NCAM2: variants seen among roughly 807,000 people sequenced by gnomAD.
NCAM2 encodes N-CAM-2.
Under a neutral mutation model 98.1 loss-of-function variants are expected in NCAM2, and 30 were observed. The ratio of observed to expected loss-of-function variants is 0.31; its 90% CI spans 0.23 to 0.41. The LOEUF is 0.41. Among genes scored for constraint, NCAM2 ranks in the 10% least tolerant of loss-of-function variants. The pLI is 1.00. For missense variants in NCAM2, 867 were observed against 1,005.8 expected (o/e 0.86, Z 1.87); for synonymous variants, 368 against 342.4 (o/e 1.07, Z -0.83).
chr21:21,512,282 T>G (rs187790859), intron 16 of NCAM2, among the ~76,000 whole-genome samples: 1 of 152,162 alleles, frequency 6.6e-6, no homozygotes, highest in East Asian at 1.9e-4. Context: ...TGGCAAGAGA[T>G]AGGGGTCTAC....
intron 1 of NCAM2, among the ~76,000 whole-genome samples, chr21:21,049,871 C>CAA (rs11412655): frequency 1.8e-4 from 25 of 139,746 alleles, no homozygotes; most frequent in Non-Finnish European, 2.3e-4. Context: ...AACTCCATCT[C>CAA]AAAAAAAAAA....
Position 21,491,164 on chromosome 21 carries a change from T to C in NCAM2, c.2077+13693T>C, listed in dbSNP as rs80189088. On this transcript the variant is annotated intron_variant, in intron 15 of 17. Transcript: ENST00000400546. ...ATCATCAGCAGATTCATAACAATTG[T>C]ATATTGTAAAAATAATTTCGTGACA... 2.3e-3 allele frequency among the ~76,000 whole-genome samples: 343 copies of C among 151,974 alleles called. 4 individuals carry two copies. The highest frequency in any genetic ancestry group is 8.1e-3 in the African/African-American group (336 of 41,558).
At chr21:21,513,804 C>T (rs1355398349) in intron 16 of NCAM2, among the ~76,000 whole-genome samples, 1 of 152,098 alleles carries the variant, frequency 6.6e-6, no homozygotes, top group Non-Finnish European at 1.5e-5. Flanking sequence ...TTGAGGTTCA[C>T]AGCTACGATT....
chr21:21,384,902 T>C (rs1270228047), intron 9 of NCAM2, among the ~76,000 whole-genome samples: 3 of 152,088 alleles, frequency 2.0e-5, no homozygotes, highest in Admixed American at 2.0e-4. Context: ...AGTGGGGTAT[T>C]GGGTTAGATA....
At chr21:21,307,765 C>T (rs962803405) in intron 5 of NCAM2, among the ~76,000 whole-genome samples, 1 of 152,088 alleles carries the variant, frequency 6.6e-6, no homozygotes, top group African/African-American at 2.4e-5. Context: ...TTAAATCCAA[C>T]CCATACTTGG....
intron 12 of NCAM2, among the ~76,000 whole-genome samples, chr21:21,452,564 A>T (rs111693472): frequency 9.7e-6 from 1 of 103,270 alleles, no homozygotes; most frequent in Non-Finnish European, 2.0e-5. Flanking sequence ...TACTATATAT[A>T]GTATATATAT....
At chr21:21,483,003 A>T (rs1986028260) in intron 15 of NCAM2, among the ~76,000 whole-genome samples, 1 of 151,974 alleles carries the variant, frequency 6.6e-6, no homozygotes, top group South Asian at 2.1e-4. Flanking sequence ...GCATTTATTG[A>T]TTTGTTCTGT....
At chr21:21,264,662 T>C (rs1346733260) in intron 1 of NCAM2, among the ~76,000 whole-genome samples, 2 of 150,372 alleles carry the variant, frequency 1.3e-5, no homozygotes, top group South Asian at 4.2e-4. Context: ...TGCATATATA[T>C]ATATACACAC....
At chr21:21,040,017 A>G (rs1313764820) in intron 1 of NCAM2, among the ~76,000 whole-genome samples, 3 of 152,154 alleles carry the variant, frequency 2.0e-5, no homozygotes, top group African/African-American at 7.2e-5. Context: ...GCCAGTTATT[A>G]CTGTTAAGGG....
intron 16 of NCAM2, among the ~76,000 whole-genome samples, chr21:21,519,364 G>A (rs1988886305): frequency 6.6e-6 from 1 of 152,012 alleles, no homozygotes; most frequent in East Asian, 1.9e-4. Flanking sequence ...AAAAAGTTGG[G>A]GTTTTTTGGC....
intron 1 of NCAM2, among the ~76,000 whole-genome samples, chr21:21,158,128 C>T (rs2067671053): frequency 6.6e-6 from 1 of 152,096 alleles, no homozygotes; most frequent in African/African-American, 2.4e-5. Context: ...GGCAAAACTA[C>T]CCTCTTAAGA....
At chr21:21,183,393 G>T (rs1424590521) in intron 1 of NCAM2, among the ~76,000 whole-genome samples, 17 of 152,136 alleles carry the variant, frequency 1.1e-4, no homozygotes, top group Non-Finnish European at 2.4e-4. Context: ...GTCTATGAGA[G>T]AGAGAAACAA....
chr21:21,224,716 C>T (rs900967742), intron 1 of NCAM2, among the ~76,000 whole-genome samples: 1 of 151,972 alleles, frequency 6.6e-6, no homozygotes, highest in Non-Finnish European at 1.5e-5. Context: ...TGAACAGATG[C>T]CCTTATATTG....
At chr21:21,324,103 G>A (rs1355625597) in intron 5 of NCAM2, among the ~76,000 whole-genome samples, 2 of 151,978 alleles carry the variant, frequency 1.3e-5, no homozygotes, top group African/African-American at 4.8e-5. Context: ...TATAATTATT[G>A]CACATTAGAA....
intron 1 of NCAM2, among the ~76,000 whole-genome samples, chr21:21,113,205 A>C (rs1326149511): frequency 6.6e-6 from 1 of 152,200 alleles, no homozygotes; most frequent in Non-Finnish European, 1.5e-5. Context: ...GCGATTTTTC[A>C]ACTTCTTGAC....
chr21:21,414,395 T>TTTC (rs2076945430), intron 10 of NCAM2, among the ~76,000 whole-genome samples: 1 of 152,188 alleles, frequency 6.6e-6, no homozygotes, highest in Non-Finnish European at 1.5e-5. Flanking sequence ...TCAGTTGACT[T>TTTC]TTCCCAGATC....
intron 9 of NCAM2, among the ~76,000 whole-genome samples, chr21:21,375,222 A>C (rs917956947): frequency 4.2e-5 from 5 of 119,600 alleles, no homozygotes; most frequent in African/African-American, 1.1e-4. Flanking sequence ...AAACAAAAAC[A>C]AAAAAAAAAA....
intron 5 of NCAM2, among the ~76,000 whole-genome samples, chr21:21,302,690 G>A: frequency 6.6e-6 from 1 of 152,040 alleles, no homozygotes; most frequent in East Asian, 1.9e-4. Context: ...AAAGCAGTTT[G>A]GAGACTTCTT....
At chr21:21,198,869 A>G (rs528953568) in intron 1 of NCAM2, among the ~76,000 whole-genome samples, 8 of 152,278 alleles carry the variant, frequency 5.3e-5, no homozygotes, top group African/African-American at 1.9e-4. Context: ...AGTTTTTACC[A>G]GTGTCTCAGA....
Sources: gnomAD v4.1 joint callset for allele counts (sites outside exome capture counted in the v4.1 genomes callset) on GRCh38, gnomAD v4.1.1 for gene constraint, MANE v1.5 for transcripts, NCBI Gene and HGNC (gene_info 2026-07-23, HGNC 2026-07-21) for gene names.